GRID1: variants seen among roughly 807,000 people sequenced by gnomAD.
GRID1 encodes glutamate ionotropic receptor delta type subunit 1, also known as glutamate receptor ionotropic, delta-1.
A neutral mutation model predicts 98.0 loss-of-function variants in GRID1; 28 were observed. The ratio of observed to expected loss-of-function variants is 0.29; its 90% CI spans 0.21 to 0.39. GRID1 has a LOEUF of 0.39. Ranked by LOEUF, GRID1 falls within the 10% of genes least tolerant of loss-of-function variation. The pLI is 1.00. For synonymous variants in GRID1, 553 were observed against 538.5 expected, an observed-to-expected ratio of 1.03 and a Z score of -0.37; for missense variants, 1,111 against 1,340.5, an observed-to-expected ratio of 0.83 and a Z score of 2.67.
At chr10:85,999,450 T>G (rs776297384) in intron 4 of GRID1, among the ~76,000 whole-genome samples, 1 of 152,030 alleles carries the variant, frequency 6.6e-6, no homozygotes, top group Non-Finnish European at 1.5e-5. Flanking sequence ...AGAGGTACAC[T>G]CCCCACTCAT....
At chr10:86,229,793 C>A (rs1227619971) in intron 2 of GRID1, among the ~76,000 whole-genome samples, 1 of 152,176 alleles carries the variant, frequency 6.6e-6, no homozygotes, top group Admixed American at 6.5e-5. Context: ...TCCTCCACAA[C>A]CTCCCCCACT....
intron 2 of GRID1, among the ~76,000 whole-genome samples, chr10:86,278,145 G>A (rs1847300207): frequency 6.6e-6 from 1 of 152,074 alleles, no homozygotes; most frequent in African/African-American, 2.4e-5. Context: ...TACAAAACAT[G>A]ATTCAAGGTA....
intron 4 of GRID1, among the ~76,000 whole-genome samples, chr10:86,102,880 G>T (rs1404101951): frequency 1.3e-5 from 2 of 152,206 alleles, no homozygotes; most frequent in African/African-American, 4.8e-5. Context: ...ATTGAATCAT[G>T]AGGGCAGGTT....
intron 3 of GRID1, 94 bp from the exon 4 acceptor site, chr10:86,139,118 A>G (rs1217803908): frequency 2.7e-5 from 22 of 826,976 alleles, no homozygotes; most frequent in Admixed American, 5.9e-5. Context: ...CCACCCATGC[A>G]GGCCACCACG....
At chr10:86,047,846 T>C (rs916398547) in intron 4 of GRID1, among the ~76,000 whole-genome samples, 1 of 152,204 alleles carries the variant, frequency 6.6e-6, no homozygotes, top group Non-Finnish European at 1.5e-5. Context: ...GCTGTAATAT[T>C]GAGCTTCTGT....
At chr10:85,857,902 C>G (rs1843128485) in intron 6 of GRID1, among the ~76,000 whole-genome samples, 1 of 152,180 alleles carries the variant, frequency 6.6e-6, no homozygotes, top group South Asian at 2.1e-4. Context: ...CCTCATGTTT[C>G]TTAGTCCAGG....
chr10:86,133,010 T>A (rs1282201594), intron 4 of GRID1, among the ~76,000 whole-genome samples: 1 of 152,252 alleles, frequency 6.6e-6, no homozygotes, highest in East Asian at 1.9e-4. Context: ...TCTCTGCTGT[T>A]CTTTCTCCTG....
At chr10:85,891,141 C>T (rs898738601) in intron 5 of GRID1, among the ~76,000 whole-genome samples, 6 of 152,178 alleles carry the variant, frequency 3.9e-5, no homozygotes, top group Non-Finnish European at 7.3e-5. Context: ...GCACAACTAT[C>T]CCTACCACTA....
intron 4 of GRID1, among the ~76,000 whole-genome samples, chr10:86,095,001 T>C (rs753797987): frequency 6.6e-6 from 1 of 152,086 alleles, no homozygotes; most frequent in South Asian, 2.1e-4. Context: ...AATAGGCACA[T>C]AGACCAATGG....
At chr10:86,254,468 TTG>T (rs1846885746) in intron 2 of GRID1, among the ~76,000 whole-genome samples, 1 of 152,244 alleles carries the variant, frequency 6.6e-6, no homozygotes, top group Non-Finnish European at 1.5e-5. Context: ...GGCTCTGTAA[TTG>T]TGTCTTTTGA....
intron 8 of GRID1, among the ~76,000 whole-genome samples, chr10:85,830,950 C>T (rs959351921): frequency 6.6e-6 from 1 of 152,044 alleles, no homozygotes; most frequent in South Asian, 2.1e-4. Context: ...CCAGCAATTT[C>T]GTTATTGGGT....
At chr10:86,056,329 C>T (rs1384016272) in intron 4 of GRID1, among the ~76,000 whole-genome samples, 1 of 152,176 alleles carries the variant, frequency 6.6e-6, no homozygotes, top group Non-Finnish European at 1.5e-5. Flanking sequence ...TATAGAAAGG[C>T]AAAAGAAATG....
Position 85,999,211 on chromosome 10 carries a change from C to CAA in GRID1, c.727-82974_727-82973dup, listed in dbSNP as rs60210628. ...TGGCCAACAGAGCAAGACTCTATTT[C>CAA]AAAAAAAAAAAAAAAAGAAAGAAAG... is the stretch of plus-strand genomic sequence containing the variant. On this transcript the variant is annotated intron_variant, in intron 4 of 15. Coordinates refer to ENST00000327946, the MANE Select transcript of GRID1 (RefSeq NM_017551.3). Among the ~76,000 whole-genome samples, 304 of 130,038 alleles carry CAA rather than the reference C, an allele frequency of 2.3e-3. 2 individuals are homozygous for CAA. Among genetic ancestry groups the CAA allele is most frequent in the Middle Eastern group, 3.9e-3 (1 of 256 alleles). The allele number at this position is 130,038 out of a possible 152,430, so 85.3% of individuals were successfully genotyped here.
intron 8 of GRID1, among the ~76,000 whole-genome samples, chr10:85,761,870 C>G (rs75073402): frequency 0.033 from 5,036 of 152,078 alleles, 130 homozygotes; most frequent in Middle Eastern, 0.048. Context: ...CTGGATTATT[C>G]CAAACCATTC....
chr10:86,015,948 A>G (rs1171727336), intron 4 of GRID1, among the ~76,000 whole-genome samples: 1 of 152,100 alleles, frequency 6.6e-6, no homozygotes, highest in Non-Finnish European at 1.5e-5. Context: ...GGGACAGTGG[A>G]GGAGTGGGTC....
At chr10:85,672,282 A>T (rs1248938376) in intron 12 of GRID1, among the ~76,000 whole-genome samples, 3 of 152,148 alleles carry the variant, frequency 2.0e-5, no homozygotes, top group Admixed American at 2.0e-4. Context: ...AAAGCCTAGG[A>T]CCCTTAAGAA....
intron 4 of GRID1, among the ~76,000 whole-genome samples, chr10:85,986,438 G>A (rs746561863): frequency 6.6e-5 from 10 of 152,318 alleles, no homozygotes; most frequent in East Asian, 5.8e-4. Flanking sequence ...GCATTCTGCT[G>A]GGGAAATTGT....
intron 4 of GRID1, among the ~76,000 whole-genome samples, chr10:86,000,255 A>T (rs1842788770): frequency 6.6e-6 from 1 of 152,242 alleles, no homozygotes; most frequent in African/African-American, 2.4e-5. Context: ...AAAACTAACA[A>T]CTCATGCAGA....
intron 2 of GRID1, among the ~76,000 whole-genome samples, chr10:86,363,163 G>T (rs1848623604): frequency 6.6e-6 from 1 of 152,262 alleles, no homozygotes; most frequent in Non-Finnish European, 1.5e-5. Flanking sequence ...AGAGGGGGTT[G>T]CTGTCGTGAA....
Sources: gnomAD v4.1 joint callset for allele counts (sites outside exome capture counted in the v4.1 genomes callset) on GRCh38, gnomAD v4.1.1 for gene constraint, MANE v1.5 for transcripts, NCBI Gene and HGNC (gene_info 2026-07-23, HGNC 2026-07-21) for gene names.